Variants in PSMG2 observed in about 807,000 individuals in gnomAD.
The protein encoded by PSMG2 is proteasome assembly chaperone 2, also known as CD40 ligand-activated specific transcript 3.
PSMG2 carries 21 observed loss-of-function variants against 31.5 expected under a neutral mutation model. That is an observed-to-expected ratio of 0.67 (90% CI 0.47 to 0.96). PSMG2 has a LOEUF of 0.96. PSMG2 is among the 40% of genes least tolerant of loss of function. PSMG2 has a pLI of 0.00. For synonymous variants in PSMG2, 120 were observed against 110.4 expected (o/e 1.09, Z -0.54); for missense variants, 318 against 321.2 (o/e 0.99, Z 0.08).
chr18:12,668,796 T>C (rs1019457357), intron 1 of PSMG2, among the ~76,000 whole-genome samples: 20 of 137,360 alleles, frequency 1.5e-4, no homozygotes, highest in Non-Finnish European at 2.9e-4. Context: ...TGGAGTGTAG[T>C]GGAGAGCAAT....
chr18:12,682,114 C>T (rs865876175), intron 1 of PSMG2, among the ~76,000 whole-genome samples: 1 of 152,012 alleles, frequency 6.6e-6, no homozygotes, highest in Non-Finnish European at 1.5e-5. Flanking sequence ...AGACTACACG[C>T]GAAAGCAAAA....
Position 12,724,526 on chromosome 18 carries a change from T to C in PSMG2, c.609T>C (p.Val203=). 2 of 1,606,510 alleles carry C rather than the reference T, an allele frequency of 1.2e-6. No individual in the cohort carries two copies. The highest frequency in any genetic ancestry group is 1.1e-5 in the South Asian group (1 of 89,568). ...ESCSKEIQMA[V]LLKFVSEGDN... ...GTTCTAAAGAAATCCAAATGGCAGT[T>C]CTGCTGAAATTTGTTTCAGAAGGGG... The change falls in exon 6 of 7, where the codon GTT becomes GTC. Residue 203 remains valine (V), a synonymous_variant. Coordinates refer to ENST00000317615, the MANE Select transcript of PSMG2 (RefSeq NM_020232.5).
upstream of PSMG2, chr18:12,702,656 C>G: frequency 7.7e-7 from 1 of 1,295,918 alleles, no homozygotes; most frequent in Non-Finnish European, 1.0e-6. Context: ...CAAAGCGCCG[C>G]AGCCGTTCGC....
intron 4 of PSMG2, 82 bp downstream of exon 4, chr18:12,718,717 G>T: frequency 1.9e-6 from 2 of 1,029,634 alleles, no homozygotes; most frequent in Non-Finnish European, 2.8e-6. Flanking sequence ...AACTTTAAAA[G>T]CCACGTAGAT....
chr18:12,722,150 ATCC>A (rs1469545865), intron 5 of PSMG2, among the ~76,000 whole-genome samples: 2 of 152,090 alleles, frequency 1.3e-5, no homozygotes, highest in African/African-American at 4.8e-5. Flanking sequence ...TTACCAATCA[ATCC>A]TCCTAAACTT....
intron 1 of PSMG2, among the ~76,000 whole-genome samples, chr18:12,674,167 C>T (rs532181762): frequency 1.5e-4 from 22 of 151,344 alleles, no homozygotes; most frequent in African/African-American, 4.4e-4. Context: ...CTGGGTGCAA[C>T]GGCTCACACC....
In PSMG2 at chr18:12,725,394, G is replaced by A. The variant is rs752905946; in HGVS notation, c.703-45G>A. ...TATAATTCACTTTAAAAGGAGATTT[G>A]ATGGTAAAGTTTAAAGATTAAAATA... On this transcript the variant is annotated intron_variant, in intron 6 of 6. Transcript: ENST00000317615. The A allele has an allele frequency of 1.6e-5, 22 of 1,415,860 alleles. No homozygotes were observed. In the South Asian group the frequency reaches 2.7e-4, roughly 18 times the overall value. The allele number at this position is 1,415,860 out of a possible 1,614,324, so 87.7% of individuals were successfully genotyped here.
intron 1 of PSMG2, chr18:12,674,888 A>T (rs1041540458): frequency 1.9e-5 from 10 of 519,376 alleles, no homozygotes; most frequent in Admixed American, 7.4e-5. Context: ...TAATAATAAT[A>T]ATTATAGGGA....
intron 1 of PSMG2, chr18:12,697,129 T>C: frequency 6.5e-6 from 6 of 925,016 alleles, no homozygotes; most frequent in Non-Finnish European, 8.0e-6. Context: ...CAGGTTTCCC[T>C]CTTGGATTAT....
chr18:12,674,616 T>G, intron 1 of PSMG2: 1 of 1,614,076 alleles, frequency 6.2e-7, no homozygotes, highest in Non-Finnish European at 8.5e-7. Flanking sequence ...GACCATCAGG[T>G]ACAGCCCTTC....
chr18:12,701,176 G>A (rs995396356), upstream of PSMG2: 3 of 1,250,520 alleles, frequency 2.4e-6, no homozygotes, highest in Admixed American at 2.1e-5. Flanking sequence ...TGCTTCTGAA[G>A]TTTTAAGGTT....
intron 3 of PSMG2, among the ~76,000 whole-genome samples, chr18:12,715,474 T>C (rs1434703824): frequency 6.6e-6 from 1 of 152,182 alleles, no homozygotes; most frequent in Non-Finnish European, 1.5e-5. Context: ...TACAGGATTT[T>C]AGTGACATGG....
intron 2 of PSMG2, among the ~76,000 whole-genome samples, chr18:12,707,081 G>T (rs1020366653): frequency 6.6e-6 from 1 of 151,902 alleles, no homozygotes; most frequent in East Asian, 1.9e-4. Flanking sequence ...TCAGCCTCCC[G>T]AGTAGCTGGG....
intron 1 of PSMG2, among the ~76,000 whole-genome samples, chr18:12,704,476 C>T (rs982894366): frequency 1.3e-5 from 2 of 151,978 alleles, no homozygotes; most frequent in Non-Finnish European, 2.9e-5. Context: ...TGTATCTCAG[C>T]TACTCGGGAA....
intron 1 of PSMG2, among the ~76,000 whole-genome samples, chr18:12,687,800 G>C (rs2039596566): frequency 6.6e-6 from 1 of 151,862 alleles, no homozygotes; most frequent in Non-Finnish European, 1.5e-5. Flanking sequence ...CTAATTTTGG[G>C]GGGATGTAGA....
At chr18:12,674,811 C>A in intron 1 of PSMG2, 2 of 1,094,394 alleles carry the variant, frequency 1.8e-6, no homozygotes, top group Non-Finnish European at 1.3e-6. Context: ...TTAAAACCAA[C>A]TAAATAAAAA....
At chr18:12,700,987 C>T (rs1474407270), upstream of PSMG2, 4 of 1,612,676 alleles carry the variant, frequency 2.5e-6, no homozygotes, top group Non-Finnish European at 3.4e-6. Context: ...TTCATCACAT[C>T]GTCAATGATT....
chr18:12,695,185 A>T, intron 1 of PSMG2: 1 of 577,694 alleles, frequency 1.7e-6, no homozygotes, highest in Non-Finnish European at 2.9e-6. Context: ...AGTGCTTTCT[A>T]GGATCAACAG....
chr18:12,701,635 T>C (rs2040152867), upstream of PSMG2, among the ~76,000 whole-genome samples: 1 of 152,158 alleles, frequency 6.6e-6, no homozygotes, highest in African/African-American at 2.4e-5. Context: ...GCACCATAAA[T>C]GGTCGCTTTT....
Sources: gnomAD v4.1 joint callset for allele counts (sites outside exome capture counted in the v4.1 genomes callset) on GRCh38, gnomAD v4.1.1 for gene constraint, MANE v1.5 for transcripts, NCBI Gene and HGNC (gene_info 2026-07-23, HGNC 2026-07-21) for gene names.